The following ZDHHC14 variants were observed in gnomAD, a reference collection of about 807,000 sequenced individuals.
ZDHHC14 encodes zDHHC palmitoyltransferase 14.
Under a neutral mutation model 47.7 loss-of-function variants are expected in ZDHHC14, and 16 were observed. That is an observed-to-expected ratio of 0.34 (90% confidence interval 0.23 to 0.51). ZDHHC14 has a LOEUF of 0.51. ZDHHC14 is among the 20% of genes least tolerant of loss of function. The pLI, the probability that ZDHHC14 is intolerant of heterozygous loss-of-function variation, is 0.97. For missense variants in ZDHHC14, 515 were observed against 662.5 expected (o/e 0.78, Z 2.44); for synonymous variants, 293 against 278.9 (o/e 1.05, Z -0.50).
chr6:157,633,443 A>G (rs1268415119), intron 5 of ZDHHC14, among the ~76,000 whole-genome samples: 1 of 152,174 alleles, frequency 6.6e-6, no homozygotes, highest in Non-Finnish European at 1.5e-5. Context: ...CCAAGCATAA[A>G]TATGGGGATG....
At chr6:157,399,082 C>T (rs1289858757) in intron 1 of ZDHHC14, among the ~76,000 whole-genome samples, 1 of 152,222 alleles carries the variant, frequency 6.6e-6, no homozygotes, top group Non-Finnish European at 1.5e-5. Flanking sequence ...ATCTTGCTTT[C>T]CTGATTAGCA....
intron 2 of ZDHHC14, among the ~76,000 whole-genome samples, chr6:157,545,187 T>C (rs146999833): frequency 3.3e-3 from 502 of 152,306 alleles, no homozygotes; most frequent in African/African-American, 0.011. Flanking sequence ...AGTGATTTCC[T>C]GGGGCTGGGA....
Position 157,382,053 on chromosome 6 carries a change from A to C in ZDHHC14, c.32A>C (p.Asp11Ala), listed in dbSNP as rs559544072. 8.9e-6 allele frequency: 14 copies of C among 1,577,190 alleles called. No individual in the cohort carries two copies. In the Admixed American group the frequency reaches 9.4e-5, roughly 11 times the overall value. The stretch of plus-strand genomic sequence containing the variant: ...CCCGGCGGCGGCGGGCCCATGAAAG[A>C]CTGCGAGTACAGCCAGATCAGCACC... MPPGGGGPMK[D>A]CEYSQISTHS... Residue 11 changes from aspartate (D) to alanine (A), a missense_variant, in exon 1 of 9, where the codon GAC becomes GCC. Asp to Ala is a moderately radical substitution (Grantham distance 126). Coordinates refer to ENST00000359775, the MANE Select transcript of ZDHHC14 (RefSeq NM_024630.3).
intron 1 of ZDHHC14, among the ~76,000 whole-genome samples, chr6:157,485,029 A>G (rs1187875257): frequency 6.6e-6 from 1 of 152,192 alleles, no homozygotes; most frequent in Admixed American, 6.5e-5. Context: ...CCTGGGAGGC[A>G]GAGGTTGACA....
intron 1 of ZDHHC14, among the ~76,000 whole-genome samples, chr6:157,466,088 G>A (rs2114820038): frequency 6.6e-6 from 1 of 152,158 alleles, no homozygotes; most frequent in South Asian, 2.1e-4. Context: ...TAGGCATCTC[G>A]CAGGCGGGCC....
chr6:157,582,326 G>C lies in ZDHHC14; in HGVS notation c.407-10662G>C, dbSNP rs1240840045. 6.6e-6 allele frequency among the ~76,000 whole-genome samples: 1 copy of C among 152,202 alleles called. No homozygotes were observed. The highest frequency in any genetic ancestry group is 6.5e-5 in the Admixed American group (1 of 15,272). Reference sequence around the variant, plus strand: ...GGCTTGTTTGTGTGGTTGCTTTATAGAGTCACCAGTCTGTGTACTTGAGTG... The same window carrying C: ...GGCTTGTTTGTGTGGTTGCTTTATACAGTCACCAGTCTGTGTACTTGAGTG... On this transcript the variant is annotated intron_variant, in intron 2 of 8. Coordinates refer to ENST00000359775, the MANE Select transcript of ZDHHC14 (RefSeq NM_024630.3). The surrounding 1 kb of genome is among the most constrained non-coding windows in gnomAD (Gnocchi z 4.3).
chr6:157,616,005 C>T lies in ZDHHC14; in HGVS notation c.566-12344C>T, dbSNP rs1354463856. On this transcript the variant is annotated intron_variant, in intron 3 of 8. Coordinates refer to ENST00000359775, the MANE Select transcript of ZDHHC14 (RefSeq NM_024630.3). ...CCAGACCTCAGAGCACTCGGTTCTG[C>T]AGACACATTGGGGGTGCAGCCAGTG... 2.0e-5 allele frequency among the ~76,000 whole-genome samples: 3 copies of T among 152,330 alleles called. No individual in the cohort carries two copies. In the East Asian group the frequency reaches 5.8e-4, roughly 29 times the overall value.
intron 1 of ZDHHC14, among the ~76,000 whole-genome samples, chr6:157,412,526 C>T (rs1345254235): frequency 6.6e-6 from 1 of 152,136 alleles, no homozygotes; most frequent in Non-Finnish European, 1.5e-5. Context: ...CTCCTGACCT[C>T]AAATGGTCCA....
intron 1 of ZDHHC14, among the ~76,000 whole-genome samples, chr6:157,527,367 C>T (rs1781194685): frequency 6.6e-6 from 1 of 152,192 alleles, no homozygotes; most frequent in African/African-American, 2.4e-5. Context: ...TTCCTTTGCT[C>T]AACTGACCTG....
intron 1 of ZDHHC14, among the ~76,000 whole-genome samples, chr6:157,383,194 G>A (rs559866515): frequency 3.3e-5 from 5 of 152,122 alleles, no homozygotes; most frequent in African/African-American, 1.2e-4. Context: ...AATCAATTTT[G>A]GTTGCTTTTT....
chr6:157,561,853 G>T (rs1228197677), intron 2 of ZDHHC14, among the ~76,000 whole-genome samples: 1 of 152,120 alleles, frequency 6.6e-6, no homozygotes, highest in Non-Finnish European at 1.5e-5. Context: ...GATAAGTGGG[G>T]TTTTCACCAT....
chr6:157,452,442 A>G (rs1778823852), intron 1 of ZDHHC14, among the ~76,000 whole-genome samples: 1 of 152,114 alleles, frequency 6.6e-6, no homozygotes, highest in South Asian at 2.1e-4. Context: ...GTTTTGGAGT[A>G]TGTTTGTGTT....
Position 157,479,171 on chromosome 6 carries a change from C to T in ZDHHC14, c.246-63414C>T, listed in dbSNP as rs567270082. On this transcript the variant is annotated intron_variant, in intron 1 of 8. Coordinates refer to ENST00000359775, the MANE Select transcript of ZDHHC14 (RefSeq NM_024630.3). ...CCTCAGCCACTAACCAGCTGTGTGA[C>T]CTTGGGCAAGTTACATACCCACTCT... 2.6e-5 allele frequency among the ~76,000 whole-genome samples: 4 copies of T among 152,330 alleles called. No homozygotes were observed. In the South Asian group the frequency reaches 8.3e-4, roughly 32 times the overall value.
chr6:157,621,738 A>C (rs1434023276), intron 3 of ZDHHC14, among the ~76,000 whole-genome samples: 1 of 152,140 alleles, frequency 6.6e-6, no homozygotes, highest in Non-Finnish European at 1.5e-5. Flanking sequence ...ATTTCGTTCG[A>C]TCTCCAGCAG....
intron 1 of ZDHHC14, among the ~76,000 whole-genome samples, chr6:157,484,542 GTTAAAAGAAAAA>G (rs1456256769): frequency 6.7e-6 from 1 of 148,440 alleles, no homozygotes; most frequent in East Asian, 1.9e-4. Context: ...TTAAATAAAA[GTTAAAAGAAAAA>G]AAAATTCTTC....
chr6:157,664,547 A>G (rs1373002831), intron 8 of ZDHHC14, among the ~76,000 whole-genome samples: 1 of 152,086 alleles, frequency 6.6e-6, no homozygotes, highest in Non-Finnish European at 1.5e-5. Flanking sequence ...GACTTTTTTA[A>G]TTTGTTGGAA....
At chr6:157,528,411 G>A (rs1781235895) in intron 1 of ZDHHC14, among the ~76,000 whole-genome samples, 1 of 152,166 alleles carries the variant, frequency 6.6e-6, no homozygotes, top group Non-Finnish European at 1.5e-5. Flanking sequence ...GACTGGGGAT[G>A]GGAGTGGGCA....
At chr6:157,386,821 TTTC>T (rs953202604) in intron 1 of ZDHHC14, among the ~76,000 whole-genome samples, 111 of 152,336 alleles carry the variant, frequency 7.3e-4, no homozygotes, top group African/African-American at 2.6e-3. Flanking sequence ...ACATTAACAA[TTTC>T]TTCTTCTCCC....
chr6:157,611,509 G>A (rs1031340880), intron 3 of ZDHHC14, among the ~76,000 whole-genome samples: 2 of 152,058 alleles, frequency 1.3e-5, no homozygotes, highest in Non-Finnish European at 2.9e-5. Flanking sequence ...AGAATTTCTG[G>A]GGCCTCCCGG....
Sources: gnomAD v4.1 joint callset for allele counts (sites outside exome capture counted in the v4.1 genomes callset) on GRCh38, gnomAD v4.1.1 for gene constraint, Gnocchi (gnomAD v3.1) non-coding constraint, MANE v1.5 for transcripts, NCBI Gene and HGNC (gene_info 2026-07-23, HGNC 2026-07-21) for gene names.